The following ASTN2 variants were observed in gnomAD, a reference collection of about 807,000 sequenced individuals.
The protein encoded by ASTN2 is astrotactin 2.
A neutral mutation model predicts 139.8 loss-of-function variants in ASTN2; 54 were observed. The observed-to-expected ratio is 0.39, with a 90% CI of 0.31 to 0.48. The LOEUF is 0.48. ASTN2 is among the 20% of genes least tolerant of loss of function. ASTN2 has a pLI of 0.95. For synonymous variants in ASTN2, 756 were observed against 719.5 expected, an observed-to-expected ratio of 1.05 and a Z score of -0.81; for missense variants, 1,565 against 1,725.1, an observed-to-expected ratio of 0.91 and a Z score of 1.64.
chr9:117,266,444 C>T (rs1004519557), intron 2 of ASTN2, among the ~76,000 whole-genome samples: 5 of 152,124 alleles, frequency 3.3e-5, no homozygotes, highest in African/African-American at 1.2e-4. Flanking sequence ...GTTACTGCTC[C>T]ATGCTGACCT....
At chr9:116,737,467 A>G (rs199513602) in intron 13 of ASTN2, among the ~76,000 whole-genome samples, 1 of 148,154 alleles carries the variant, frequency 6.7e-6, no homozygotes, top group Non-Finnish European at 1.5e-5. Context: ...GTGTGTGTGA[A>G]TGTGTGTGTG....
chr9:117,115,762 AC>A (rs1369585166), intron 4 of ASTN2, among the ~76,000 whole-genome samples: 3 of 152,026 alleles, frequency 2.0e-5, no homozygotes, highest in Non-Finnish European at 2.9e-5. Context: ...GCGGTGGCTC[AC>A]ACCTGTAATC....
intron 3 of ASTN2, among the ~76,000 whole-genome samples, chr9:117,182,839 T>A (rs143085675): frequency 6.6e-6 from 1 of 152,208 alleles, no homozygotes; most frequent in Admixed American, 6.5e-5. Flanking sequence ...TTGAGCCACA[T>A]TGGCCTTCTA....
chr9:117,044,067 G>A (rs541813372), intron 5 of ASTN2, among the ~76,000 whole-genome samples: 34 of 152,250 alleles, frequency 2.2e-4, no homozygotes, highest in Non-Finnish European at 4.4e-4. Flanking sequence ...GGGTCAATAT[G>A]TGTCTAATGC....
At chr9:116,447,963 G>A (rs1185681763) in intron 20 of ASTN2, among the ~76,000 whole-genome samples, 3 of 152,150 alleles carry the variant, frequency 2.0e-5, no homozygotes, top group African/African-American at 7.2e-5. Context: ...GTGAGAGAAT[G>A]AAACCAAGAA....
intron 3 of ASTN2, among the ~76,000 whole-genome samples, chr9:117,150,855 C>A (rs891649963): frequency 2.0e-5 from 3 of 151,966 alleles, no homozygotes; most frequent in African/African-American, 7.3e-5. Context: ...TATCACCACG[C>A]CTGGATAATT....
chr9:116,924,465 A>C (rs900635940), intron 10 of ASTN2, among the ~76,000 whole-genome samples: 11 of 150,110 alleles, frequency 7.3e-5, no homozygotes, highest in Admixed American at 7.3e-4. Flanking sequence ...TGGCTACTCC[A>C]TTGGCAGCGG....
chr9:116,632,435 G>T (rs1368563588), intron 17 of ASTN2, among the ~76,000 whole-genome samples: 2 of 151,598 alleles, frequency 1.3e-5, no homozygotes, highest in African/African-American at 2.4e-5. Context: ...TCTCTATTCT[G>T]TATTTCTAAA....
chr9:116,636,039 T>C (rs913882390), intron 17 of ASTN2, among the ~76,000 whole-genome samples: 1 of 152,150 alleles, frequency 6.6e-6, no homozygotes, highest in Non-Finnish European at 1.5e-5. Context: ...TGCCAAACTG[T>C]AGTGGAAAAA....
At chr9:116,931,240 T>C (rs1205390987) in intron 10 of ASTN2, among the ~76,000 whole-genome samples, 1 of 152,168 alleles carries the variant, frequency 6.6e-6, no homozygotes, top group East Asian at 1.9e-4. Context: ...AAACTGATCT[T>C]TATGCTTTCC....
chr9:116,492,610 T>C (rs1398387552), intron 19 of ASTN2, among the ~76,000 whole-genome samples: 1 of 152,032 alleles, frequency 6.6e-6, no homozygotes, highest in Non-Finnish European at 1.5e-5. Flanking sequence ...TGAGATAAAA[T>C]CACTGAGAAT....
chr9:116,440,535 T>C, intron 22 of ASTN2, 74 bp downstream of exon 22: 1 of 1,420,580 alleles, frequency 7.0e-7, no homozygotes, highest in East Asian at 2.3e-5. Flanking sequence ...TCTCAGCCTA[T>C]GGGGAAAGGG....
intron 6 of ASTN2, among the ~76,000 whole-genome samples, chr9:117,032,814 A>G (rs1838284842): frequency 6.6e-6 from 1 of 152,156 alleles, no homozygotes; most frequent in Admixed American, 6.6e-5. Context: ...ATGTGTGGGC[A>G]TTTATACTTG....
intron 19 of ASTN2, among the ~76,000 whole-genome samples, chr9:116,576,846 A>T (rs1474739444): frequency 2.0e-5 from 3 of 152,136 alleles, no homozygotes; most frequent in Non-Finnish European, 2.9e-5. Context: ...CTCCTTTGAA[A>T]ACCATCAGAA....
chr9:117,134,601 T>C (rs559617938), intron 4 of ASTN2, among the ~76,000 whole-genome samples: 24 of 152,132 alleles, frequency 1.6e-4, no homozygotes. Context: ...CATCCCTATG[T>C]GTATTTGCAT....
intron 20 of ASTN2, among the ~76,000 whole-genome samples, chr9:116,457,715 G>C (rs1431064170): frequency 6.6e-6 from 1 of 152,122 alleles, no homozygotes; most frequent in Non-Finnish European, 1.5e-5. Flanking sequence ...TGCTGACAAA[G>C]ATGTGGAGAA....
intron 13 of ASTN2, among the ~76,000 whole-genome samples, chr9:116,801,641 G>T (rs1027229581): frequency 1.9e-4 from 21 of 112,864 alleles, no homozygotes; most frequent in African/African-American, 5.9e-4. Context: ...AGAAAGAAAA[G>T]AAAAAAAGGA....
intron 2 of ASTN2, among the ~76,000 whole-genome samples, chr9:117,239,151 C>T (rs540976099): frequency 6.6e-6 from 1 of 152,138 alleles, no homozygotes; most frequent in Non-Finnish European, 1.5e-5. Context: ...ATTTGGGGAA[C>T]CAAGAGGCCC....
chr9:116,802,186 A>G (rs1478348123), intron 13 of ASTN2, among the ~76,000 whole-genome samples: 1 of 145,900 alleles, frequency 6.9e-6, no homozygotes, highest in Non-Finnish European at 1.5e-5. Flanking sequence ...TCCCGGGTTT[A>G]CGCCCTTCTC....
Sources: allele counts gnomAD v4.1 joint callset (sites outside exome capture counted in the v4.1 genomes callset), GRCh38; gene constraint gnomAD v4.1.1; transcripts MANE v1.5; gene names NCBI Gene and HGNC (gene_info 2026-07-23, HGNC 2026-07-21).